TACR1: variants seen among roughly 807,000 people sequenced by gnomAD.
The protein encoded by TACR1 is tachykinin receptor 1, also known as substance-P receptor.
Under a neutral mutation model 35.8 loss-of-function variants are expected in TACR1, and 25 were observed. That is an observed-to-expected ratio of 0.70 (90% CI 0.51 to 0.98). The LOEUF (loss-of-function observed/expected upper bound fraction) is 0.98. TACR1 is among the 50% of genes least tolerant of loss of function. The probability of loss-of-function intolerance (pLI) is 0.00; values close to 1 mark genes in which losing one functional copy is unlikely to be tolerated. For missense variants in TACR1, 478 were observed against 522.9 expected (o/e 0.91, Z 0.84); for synonymous variants, 195 against 206.7 (o/e 0.94, Z 0.48).
intron 2 of TACR1, among the ~76,000 whole-genome samples, chr2:75,081,314 A>C (rs946967352): frequency 3.9e-5 from 6 of 152,208 alleles, no homozygotes; most frequent in Non-Finnish European, 8.8e-5. Context: ...TGGTCCTGTG[A>C]TACAGGGGTC....
chr2:75,116,863 T>C (rs1273144671), intron 2 of TACR1, among the ~76,000 whole-genome samples: 1 of 151,966 alleles, frequency 6.6e-6, no homozygotes, highest in Admixed American at 6.5e-5. Context: ...TGAGCTGAGA[T>C]AGTGCCATTG....
intron 1 of TACR1, among the ~76,000 whole-genome samples, chr2:75,195,957 A>G (rs1335294629): frequency 6.6e-6 from 1 of 152,242 alleles, no homozygotes; most frequent in Non-Finnish European, 1.5e-5. Flanking sequence ...TATAATAGTC[A>G]TAAAAGAGAA....
At chr2:75,153,036 G>C (rs1027103816) in intron 1 of TACR1, among the ~76,000 whole-genome samples, 1 of 152,122 alleles carries the variant, frequency 6.6e-6, no homozygotes, top group Admixed American at 6.5e-5. Context: ...CCGAGTAGTG[G>C]GACTACAGGC....
chr2:75,170,917 T>G (rs1376413386), intron 1 of TACR1, among the ~76,000 whole-genome samples: 5 of 152,172 alleles, frequency 3.3e-5, no homozygotes, highest in Non-Finnish European at 7.4e-5. Context: ...TGGTTTGGAA[T>G]TGGAACTTAT....
chr2:75,142,886 G>A (rs371603792), intron 1 of TACR1, among the ~76,000 whole-genome samples: 8 of 152,158 alleles, frequency 5.3e-5, no homozygotes, highest in Non-Finnish European at 7.4e-5. Flanking sequence ...CTTTTAATAA[G>A]CTCCCTCATT....
chr2:75,144,183 C>T (rs532607845), intron 1 of TACR1, among the ~76,000 whole-genome samples: 1 of 152,314 alleles, frequency 6.6e-6, no homozygotes, highest in East Asian at 1.9e-4. Flanking sequence ...CATAAGTATA[C>T]AGAAGTTCAG....
At position 75,100,482 on chromosome 2, in the gene TACR1, G is replaced by C. The variant is rs3821314; in HGVS notation, c.584+20092C>G. ...TTCCCTCATCCTCCAAATGCCATATGACTAACTCATATCTAACCTCCAGGA... is the reference window on the plus strand; with the variant it reads ...TTCCCTCATCCTCCAAATGCCATATCACTAACTCATATCTAACCTCCAGGA... On this transcript the variant is annotated intron_variant, in intron 2 of 4. Coordinates refer to ENST00000305249, the MANE Select transcript of TACR1 (RefSeq NM_001058.4). Among the ~76,000 whole-genome samples, 444 of 152,196 alleles carry C rather than the reference G, an allele frequency of 2.9e-3. 16 individuals are homozygous for C. The East Asian group carries it at 0.074, about 25-fold the overall frequency.
At position 75,199,182 on chromosome 2, in the gene TACR1, C is replaced by G; in HGVS notation, c.-248G>C. The stretch of plus-strand genomic sequence containing the variant: ...TCAAGCTTCAGGAGACGTTTGAGTT[C>G]AGAAGTCTGGAGACAGCATCTCTCT... On this transcript the variant is annotated 5_prime_UTR_variant, in exon 1 of 5. It removes the in-frame stop codon of an upstream open reading frame in the 5' UTR. Transcript: ENST00000305249. The G allele has an allele frequency of 2.0e-6, 1 of 500,098 alleles. No homozygotes were observed. The highest frequency in any genetic ancestry group is 3.6e-6 in the Non-Finnish European group (1 of 279,750). 31.0% of individuals were successfully genotyped at this position (500,098 alleles called of 1,614,324 possible). A position where few individuals can be genotyped will look rare whatever the true frequency, so the allele number is the denominator to read the frequency against.
Position 75,117,318 on chromosome 2 carries a change from A to C in TACR1, c.584+3256T>G, listed in dbSNP as rs1048509274. 2.0e-5 allele frequency among the ~76,000 whole-genome samples: 3 copies of C among 152,338 alleles called. No individual in the cohort carries two copies. The East Asian group carries it at 5.8e-4, about 29-fold the overall frequency. Reference sequence around the variant, plus strand: ...AATGAATGATCATGGTTGAAGGTCCACCATACAGCCAGAAGGCAGGTGCAG... The same window carrying C: ...AATGAATGATCATGGTTGAAGGTCCCCCATACAGCCAGAAGGCAGGTGCAG... On this transcript the variant is annotated intron_variant, in intron 2 of 4. Transcript: ENST00000305249.
In TACR1 at chr2:75,131,189, C is replaced by T. The variant is rs895781550; in HGVS notation, c.390-10421G>A. 4.0e-5 allele frequency among the ~76,000 whole-genome samples: 6 copies of T among 151,784 alleles called. No individual in the cohort carries two copies. In the East Asian group the frequency reaches 5.8e-4, roughly 15 times the overall value. On this transcript the variant is annotated intron_variant, in intron 1 of 4. Coordinates refer to ENST00000305249, the MANE Select transcript of TACR1 (RefSeq NM_001058.4). ...CTGCAAGCTCCGCCTCCTGGGTTCA[C>T]GTCATTCTCCTGTCTCAGCCTCTCG...
intron 2 of TACR1, among the ~76,000 whole-genome samples, chr2:75,097,351 G>A (rs1673444112): frequency 6.7e-6 from 1 of 150,056 alleles, no homozygotes; most frequent in Non-Finnish European, 1.5e-5. Context: ...CCCACTCTGG[G>A]TTTTCAGCAA....
chr2:75,125,358 G>A (rs1328849631), intron 1 of TACR1, among the ~76,000 whole-genome samples: 1 of 151,620 alleles, frequency 6.6e-6, no homozygotes, highest in East Asian at 1.9e-4. Flanking sequence ...TAATTTTTTT[G>A]CATTTTTAGT....
At chr2:75,110,559 A>G (rs1185540324) in intron 2 of TACR1, among the ~76,000 whole-genome samples, 1 of 151,962 alleles carries the variant, frequency 6.6e-6, no homozygotes, top group Non-Finnish European at 1.5e-5. Context: ...GAAACATACA[A>G]GGGGCACTAA....
chr2:75,186,389 A>G (rs907461864), intron 1 of TACR1, among the ~76,000 whole-genome samples: 43 of 151,274 alleles, frequency 2.8e-4, no homozygotes, highest in South Asian at 1.5e-3. Flanking sequence ...AAAAAAAAAA[A>G]AAAGAAAGAA....
intron 2 of TACR1, among the ~76,000 whole-genome samples, chr2:75,101,823 C>T (rs1182559944): frequency 2.0e-5 from 3 of 152,080 alleles, no homozygotes; most frequent in Admixed American, 2.0e-4. Flanking sequence ...TAGCACATGC[C>T]TGTAGTTCCA....
chr2:75,062,935 G>A (rs1048290497), intron 2 of TACR1, among the ~76,000 whole-genome samples: 2 of 152,150 alleles, frequency 1.3e-5, no homozygotes, highest in African/African-American at 4.8e-5. Flanking sequence ...CTGAGACTGG[G>A]CAATTTCCAA....
intron 1 of TACR1, among the ~76,000 whole-genome samples, chr2:75,145,236 TTTAA>T (rs759569963): frequency 6.6e-6 from 1 of 152,124 alleles, no homozygotes; most frequent in African/African-American, 2.4e-5. Context: ...ATAATATGTC[TTTAA>T]TTAAATAAAG....
intron 1 of TACR1, among the ~76,000 whole-genome samples, chr2:75,136,943 A>C (rs1408131851): frequency 6.6e-6 from 1 of 152,188 alleles, no homozygotes; most frequent in African/African-American, 2.4e-5. Flanking sequence ...TGATGCCTAC[A>C]ACTGGCTTAG....
chr2:75,157,298 A>C (rs1674887147), intron 1 of TACR1, among the ~76,000 whole-genome samples: 1 of 152,104 alleles, frequency 6.6e-6, no homozygotes, highest in African/African-American at 2.4e-5. Flanking sequence ...CCATCTGCCC[A>C]CTGTAGTCCT....
Sources: allele counts gnomAD v4.1 joint callset (sites outside exome capture counted in the v4.1 genomes callset), GRCh38; gene constraint gnomAD v4.1.1; transcripts MANE v1.5; gene names NCBI Gene and HGNC (gene_info 2026-07-23, HGNC 2026-07-21).